RGS6: variants seen among roughly 807,000 people sequenced by gnomAD.
RGS6 encodes the protein regulator of G protein signaling 6.
Under a neutral mutation model 78.5 loss-of-function variants are expected in RGS6, and 30 were observed. The ratio of observed to expected loss-of-function variants is 0.38; its 90% confidence interval spans 0.29 to 0.52. The LOEUF is 0.52. RGS6 is among the 20% of genes least tolerant of loss of function. RGS6 has a pLI of 0.85. For missense variants in RGS6, 495 were observed against 609.7 expected, an observed-to-expected ratio of 0.81 and a Z score of 1.98; for synonymous variants, 206 against 206.0, an observed-to-expected ratio of 1.00 and a Z score of 0.00.
intron 2 of RGS6, among the ~76,000 whole-genome samples, chr14:72,144,761 T>C (rs980328839): frequency 6.6e-6 from 1 of 152,020 alleles, no homozygotes; most frequent in Non-Finnish European, 1.5e-5. Flanking sequence ...TTTTTTTTTT[T>C]TGAAGCGGTA....
the RGS6 span, among the ~76,000 whole-genome samples, chr14:72,604,162 G>T: frequency 6.6e-6 from 1 of 152,150 alleles, no homozygotes; most frequent in Non-Finnish European, 1.5e-5. Context: ...GGCCCTCTGT[G>T]TGTCATGTGG....
the RGS6 span, among the ~76,000 whole-genome samples, chr14:72,626,388 G>A: frequency 6.6e-6 from 1 of 152,106 alleles, no homozygotes; most frequent in African/African-American, 2.4e-5. Context: ...GCAAATGCAT[G>A]TAGGTTTTCT....
intron 2 of RGS6, among the ~76,000 whole-genome samples, chr14:72,206,026 T>C (rs2042624229): frequency 6.6e-6 from 1 of 152,146 alleles, no homozygotes; most frequent in South Asian, 2.1e-4. Context: ...TAATCTTAAA[T>C]CATTCTTGCA....
At chr14:72,318,972 A>G (rs2239250) in intron 2 of RGS6, among the ~76,000 whole-genome samples, 24,896 of 152,124 alleles carry the variant, frequency 0.16, 2,031 homozygotes, top group African/African-American at 0.21. Flanking sequence ...AATCAGGTAA[A>G]TTTTTACCAA....
At chr14:72,508,068 C>T (rs954052594) in intron 13 of RGS6, among the ~76,000 whole-genome samples, 1 of 152,142 alleles carries the variant, frequency 6.6e-6, no homozygotes, top group Admixed American at 6.5e-5. Flanking sequence ...AAAGGCCTAG[C>T]CTGGTACTTT....
At chr14:72,127,911 G>A (rs762582170) in intron 2 of RGS6, among the ~76,000 whole-genome samples, 18 of 150,528 alleles carry the variant, frequency 1.2e-4, no homozygotes, top group Non-Finnish European at 1.8e-4. Context: ...CACATAAATG[G>A]GATCATATAA....
At chr14:72,315,513 C>T (rs541092048) in intron 2 of RGS6, among the ~76,000 whole-genome samples, 1 of 152,302 alleles carries the variant, frequency 6.6e-6, no homozygotes, top group Non-Finnish European at 1.5e-5. Flanking sequence ...AACTGTAATT[C>T]ACTGTTGACA....
chr14:72,089,211 C>T (rs1469711470), intron 2 of RGS6, among the ~76,000 whole-genome samples: 1 of 152,200 alleles, frequency 6.6e-6, no homozygotes, highest in African/African-American at 2.4e-5. Flanking sequence ...AATAAAAGCA[C>T]AATGGAAAAT....
At chr14:71,897,626 T>C in the RGS6 span, among the ~76,000 whole-genome samples, 1 of 152,102 alleles carries the variant, frequency 6.6e-6, no homozygotes, top group Admixed American at 6.5e-5. Flanking sequence ...GTTCAAGTGA[T>C]TTTCCTGCCT....
intron 2 of RGS6, among the ~76,000 whole-genome samples, chr14:72,058,898 C>CTTATTT (rs1243397120): frequency 1.3e-5 from 2 of 152,054 alleles, no homozygotes; most frequent in African/African-American, 4.8e-5. Flanking sequence ...CACAGCTGCA[C>CTTATTT]TTATTTTTAT....
chr14:72,382,747 T>C (rs1250484936), intron 3 of RGS6, among the ~76,000 whole-genome samples: 2 of 152,222 alleles, frequency 1.3e-5, no homozygotes, highest in East Asian at 3.8e-4. Context: ...GGTAGAATTA[T>C]ACAAATGAAT....
rs373534186 is a variant in RGS6 at position 71,981,049 on chromosome 14, C to T, written c.84+16174C>T. Among the ~76,000 whole-genome samples, 161 of 148,256 alleles carry T rather than the reference C, an allele frequency of 1.1e-3. 2 individuals are homozygous for T. In the South Asian group the frequency reaches 0.016, roughly 15 times the overall value. On this transcript the variant is annotated intron_variant, in intron 2 of 17. Transcript: ENST00000553525. ...GCTGATACCCTTTCTTCCAGTTGAT[C>T]GCATCGGCTCCTGAGGCTTCTGCAT...
chr14:72,259,860 G>A (rs939120282), intron 2 of RGS6, among the ~76,000 whole-genome samples: 23 of 136,268 alleles, frequency 1.7e-4, no homozygotes, highest in Admixed American at 6.6e-4. Context: ...GCAGTGAGCC[G>A]AGATCGCGCC....
chr14:72,206,758 A>ATGGGTTGGGT (rs2042809922), intron 2 of RGS6, among the ~76,000 whole-genome samples: 1 of 152,070 alleles, frequency 6.6e-6, no homozygotes, highest in African/African-American at 2.4e-5. Flanking sequence ...TAATTCAATC[A>ATGGGTTGGGT]TCTCCCACTG....
intron 2 of RGS6, among the ~76,000 whole-genome samples, chr14:72,208,804 A>G (rs1293198953): frequency 2.6e-5 from 4 of 152,212 alleles, no homozygotes; most frequent in African/African-American, 4.8e-5. Context: ...GTAACTAGGT[A>G]ATGTATATGA....
At chr14:72,133,851 C>A (rs960543593) in intron 2 of RGS6, among the ~76,000 whole-genome samples, 1 of 152,060 alleles carries the variant, frequency 6.6e-6, no homozygotes, top group South Asian at 2.1e-4. Context: ...GTGGCCAGAT[C>A]AAATTTCTGC....
intron 2 of RGS6, among the ~76,000 whole-genome samples, chr14:72,141,477 CTTCTT>C (rs2096538636): frequency 6.6e-6 from 1 of 152,180 alleles, no homozygotes; most frequent in Admixed American, 6.5e-5. Flanking sequence ...AACTGAGTTT[CTTCTT>C]TTCTTTTAGG....
intron 2 of RGS6, among the ~76,000 whole-genome samples, chr14:72,269,813 C>G (rs2059659136): frequency 1.3e-5 from 2 of 152,146 alleles, no homozygotes; most frequent in South Asian, 4.2e-4. Context: ...GATCTGCCCA[C>G]CTTGGCCTTC....
At chr14:72,082,374 T>C (rs2094861066) in intron 2 of RGS6, among the ~76,000 whole-genome samples, 1 of 152,174 alleles carries the variant, frequency 6.6e-6, no homozygotes, top group South Asian at 2.1e-4. Context: ...GTTATATTCA[T>C]TCTTAGGTAT....
Sources: allele counts gnomAD v4.1 joint callset (sites outside exome capture counted in the v4.1 genomes callset), GRCh38; gene constraint gnomAD v4.1.1; transcripts MANE v1.5; gene names NCBI Gene and HGNC (gene_info 2026-07-23, HGNC 2026-07-21).